Variants in KCTD16 observed in about 807,000 individuals in gnomAD.
The protein encoded by KCTD16 is BTB/POZ domain-containing protein KCTD16.
A neutral mutation model predicts 33.2 loss-of-function variants in KCTD16; 13 were observed. The ratio of observed to expected loss-of-function variants is 0.39; its 90% CI spans 0.25 to 0.62. The LOEUF (loss-of-function observed/expected upper bound fraction) is 0.62. Ranked by LOEUF, KCTD16 falls within the 20% of genes least tolerant of loss-of-function variation. The probability of loss-of-function intolerance (pLI) is 0.50; values close to 1 mark genes in which losing one functional copy is unlikely to be tolerated. For missense variants in KCTD16, 441 were observed against 525.1 expected (o/e 0.84, Z 1.57); for synonymous variants, 197 against 195.3 (o/e 1.01, Z -0.07).
rs898498038 is a variant in KCTD16 at position 144,480,854 on chromosome 5, C to G, written c.*6740C>G. ...AAGCATGAGTTTAAATTTGTCAAGG[C>G]ATTTTTTTTTCTGTACCATATACGG... On this transcript the variant is annotated 3_prime_UTR_variant, in exon 4 of 4. Transcript: ENST00000512467. 1 of 151,732 alleles carries G rather than the reference C, an allele frequency of 6.6e-6. No individual in the cohort carries two copies. The highest frequency in any genetic ancestry group is 1.5e-5 in the Non-Finnish European group (1 of 67,880). 9.4% of individuals were successfully genotyped at this position (151,732 alleles called of 1,614,324 possible).
At chr5:144,295,146 G>C (rs1312728854) in intron 3 of KCTD16, among the ~76,000 whole-genome samples, 1 of 152,170 alleles carries the variant, frequency 6.6e-6, no homozygotes, top group Non-Finnish European at 1.5e-5. Flanking sequence ...ATCAAATAAA[G>C]TGCCAAGCAA....
At chr5:144,398,706 A>ACTCT (rs202105888) in intron 3 of KCTD16, among the ~76,000 whole-genome samples, 15 of 146,496 alleles carry the variant, frequency 1.0e-4, no homozygotes, top group African/African-American at 4.1e-4. Flanking sequence ...ACACACACAC[A>ACTCT]CACTCTCTCT....
chr5:144,347,593 T>C (rs1030568186), intron 3 of KCTD16, among the ~76,000 whole-genome samples: 6 of 151,462 alleles, frequency 4.0e-5, no homozygotes, highest in African/African-American at 1.5e-4. Flanking sequence ...TAGAGGGAGG[T>C]TGGTTTCAGG....
chr5:144,354,677 A>G (rs1751531989), intron 3 of KCTD16, among the ~76,000 whole-genome samples: 1 of 152,188 alleles, frequency 6.6e-6, no homozygotes, highest in East Asian at 1.9e-4. Flanking sequence ...TGAATAAATG[A>G]TATGTCATTT....
At chr5:144,406,607 C>T (rs1359941319) in intron 3 of KCTD16, among the ~76,000 whole-genome samples, 3 of 152,138 alleles carry the variant, frequency 2.0e-5, no homozygotes, top group South Asian at 4.1e-4. Context: ...TATCTCATTT[C>T]GTAATAACAT....
chr5:144,252,067 A>G (rs1199352392), intron 3 of KCTD16, among the ~76,000 whole-genome samples: 1 of 152,190 alleles, frequency 6.6e-6, no homozygotes, highest in Non-Finnish European at 1.5e-5. Context: ...GGTAATTAAC[A>G]TATTCATTGC....
chr5:144,415,777 G>T (rs1380313905), intron 3 of KCTD16, among the ~76,000 whole-genome samples: 1 of 152,166 alleles, frequency 6.6e-6, no homozygotes, highest in Non-Finnish European at 1.5e-5. Flanking sequence ...TTGTACTACT[G>T]CTAGCTATTA....
chr5:144,363,218 T>A (rs1482564116), intron 3 of KCTD16, among the ~76,000 whole-genome samples: 1 of 152,144 alleles, frequency 6.6e-6, no homozygotes, highest in Admixed American at 6.5e-5. Flanking sequence ...GGCAGGCACC[T>A]GTAATCCCAG....
chr5:144,461,524 G>C (rs1475317851), intron 3 of KCTD16, among the ~76,000 whole-genome samples: 2 of 152,122 alleles, frequency 1.3e-5, no homozygotes. Context: ...TTCAGTACCA[G>C]TACCCTTGGC....
intron 3 of KCTD16, among the ~76,000 whole-genome samples, chr5:144,443,901 T>C (rs935310482): frequency 6.6e-6 from 1 of 152,092 alleles, no homozygotes; most frequent in African/African-American, 2.4e-5. Flanking sequence ...AGTCAAATCA[T>C]AGAAAATGGA....
chr5:144,264,379 G>A lies in KCTD16; in HGVS notation c.832+56833G>A, dbSNP rs531509790. Reference sequence around the variant, plus strand: ...GTACTTCTAGAAATGTAAGGATTTTGGATCTCTAAATGTTAATACATATGT... The same window carrying A: ...GTACTTCTAGAAATGTAAGGATTTTAGATCTCTAAATGTTAATACATATGT... On this transcript the variant is annotated intron_variant, in intron 3 of 3. Coordinates refer to ENST00000512467, the MANE Select transcript of KCTD16 (RefSeq NM_020768.4). 3.3e-5 allele frequency among the ~76,000 whole-genome samples: 5 copies of A among 152,178 alleles called. 1 individual carries two copies. Among genetic ancestry groups the A allele is most frequent in the African/African-American group, 1.2e-4 (5 of 41,514 alleles).
At chr5:144,353,029 T>C (rs1024018098) in intron 3 of KCTD16, among the ~76,000 whole-genome samples, 1 of 152,144 alleles carries the variant, frequency 6.6e-6, no homozygotes, top group Non-Finnish European at 1.5e-5. Flanking sequence ...ACCTTGGTAA[T>C]CTAAATAGGA....
intron 3 of KCTD16, among the ~76,000 whole-genome samples, chr5:144,337,435 G>C (rs1752518352): frequency 6.6e-6 from 1 of 152,024 alleles, no homozygotes; most frequent in Non-Finnish European, 1.5e-5. Context: ...CTAATCTGTT[G>C]GGCGTAAAGT....
At chr5:144,229,521 C>T (rs1459332521) in intron 3 of KCTD16, among the ~76,000 whole-genome samples, 1 of 152,088 alleles carries the variant, frequency 6.6e-6, no homozygotes, top group Non-Finnish European at 1.5e-5. Context: ...CAAAGATCAC[C>T]TATGTGGCTA....
chr5:144,252,931 C>T (rs1295383387), intron 3 of KCTD16, among the ~76,000 whole-genome samples: 5 of 149,684 alleles, frequency 3.3e-5, no homozygotes, highest in African/African-American at 1.2e-4. Flanking sequence ...TCTCTTTTCC[C>T]TTTTCACTGT....
At chr5:144,273,761 G>T (rs1755365671) in intron 3 of KCTD16, among the ~76,000 whole-genome samples, 1 of 147,854 alleles carries the variant, frequency 6.8e-6, no homozygotes, top group African/African-American at 2.5e-5. Context: ...AATGGTTGTT[G>T]TCAGGGGCTG....
In KCTD16 at chr5:144,476,827, C is replaced by T. The variant is rs368009462; in HGVS notation, c.*2713C>T. ...AGTAACTCTGGTAGTCACTGTGACT[C>T]GGGCATGTTTCCCTGAAGTTAAAAT... On this transcript the variant is annotated 3_prime_UTR_variant, in exon 4 of 4. Coordinates refer to ENST00000512467, the MANE Select transcript of KCTD16 (RefSeq NM_020768.4). 6.6e-5 allele frequency: 10 copies of T among 152,162 alleles called. No individual in the cohort carries two copies. Among genetic ancestry groups the T allele is most frequent in the East Asian group, 1.9e-4 (1 of 5,174 alleles). The allele number at this position is 152,162 out of a possible 1,614,324, so 9.4% of individuals were successfully genotyped here.
intron 3 of KCTD16, among the ~76,000 whole-genome samples, chr5:144,287,783 G>C (rs1014403117): frequency 6.6e-6 from 1 of 151,760 alleles, no homozygotes; most frequent in Admixed American, 6.6e-5. Flanking sequence ...TTAGAGGCTC[G>C]CACGACCTCA....
chr5:144,400,810 T>C (rs2126945988), intron 3 of KCTD16, among the ~76,000 whole-genome samples: 1 of 152,226 alleles, frequency 6.6e-6, no homozygotes, highest in East Asian at 1.9e-4. Flanking sequence ...GATTGGGCAA[T>C]CAGAAAAGAC....
Sources: gnomAD v4.1 joint callset for allele counts (sites outside exome capture counted in the v4.1 genomes callset) on GRCh38, gnomAD v4.1.1 for gene constraint, MANE v1.5 for transcripts, NCBI Gene and HGNC (gene_info 2026-07-23, HGNC 2026-07-21) for gene names.